Variants in SOX5 observed in about 807,000 individuals in gnomAD.
The protein encoded by SOX5 is transcription factor SOX-5.
In SOX5, 9 loss-of-function variants were observed where a neutral mutation model predicts 92.0. That is an observed-to-expected ratio of 0.10 (90% confidence interval 0.06 to 0.17). SOX5 has a LOEUF of 0.17. Ranked by LOEUF, SOX5 falls within the 10% of genes least tolerant of loss-of-function variation. The pLI is 1.00. For synonymous variants in SOX5, 344 were observed against 336.3 expected (o/e 1.02, Z -0.25); for missense variants, 642 against 944.5 (o/e 0.68, Z 4.20).
chr12:24,444,889 T>G (rs1596714650), intron 1 of SOX5, among the ~76,000 whole-genome samples: 1 of 152,196 alleles, frequency 6.6e-6, no homozygotes, highest in East Asian at 1.9e-4. Flanking sequence ...TTGCATAAGC[T>G]ATTGTTCCCT....
intron 2 of SOX5, among the ~76,000 whole-genome samples, chr12:24,331,817 C>T (rs535641900): frequency 7.8e-4 from 97 of 123,734 alleles, no homozygotes; most frequent in African/African-American, 2.9e-3. Flanking sequence ...CACTGCACTC[C>T]AACCAGCCTG....
intron 2 of SOX5, among the ~76,000 whole-genome samples, chr12:24,328,810 A>G (rs1384092122): frequency 1.3e-5 from 2 of 152,206 alleles, no homozygotes; most frequent in Non-Finnish European, 2.9e-5. Flanking sequence ...TGTTGTTTTA[A>G]TACAACTGCT....
intron 4 of SOX5, among the ~76,000 whole-genome samples, chr12:24,105,606 A>G (rs1364852512): frequency 6.6e-6 from 1 of 152,194 alleles, no homozygotes; most frequent in Non-Finnish European, 1.5e-5. Context: ...TTTCAATGAA[A>G]CCATTCCAAA....
At chr12:24,199,343 G>A (rs979586868) in intron 4 of SOX5, among the ~76,000 whole-genome samples, 1 of 152,176 alleles carries the variant, frequency 6.6e-6, no homozygotes, top group Admixed American at 6.5e-5. Flanking sequence ...GCACCAAAAT[G>A]TCGCAGTAAT....
chr12:24,344,596 A>G (rs1480160642), intron 2 of SOX5, among the ~76,000 whole-genome samples: 2 of 152,162 alleles, frequency 1.3e-5, no homozygotes, highest in Non-Finnish European at 2.9e-5. Context: ...TTTTTCAAAC[A>G]TTCAAATGAC....
In SOX5 at chr12:24,110,774, G is replaced by T. The variant is rs368809483; in HGVS notation, c.-2+102569C>A. Among the ~76,000 whole-genome samples, 67 of 151,440 alleles carry T rather than the reference G, an allele frequency of 4.4e-4. 1 individual carries two copies. The South Asian group carries it at 0.013, about 29-fold the overall frequency. On this transcript the variant is annotated intron_variant, in intron 4 of 4. Transcript: ENST00000446891. ...AAATTAGCTGGGCATAGTGGCAGGC[G>T]CCTGTAGGCCCAGCTACTCGGGAGG... is the stretch of plus-strand genomic sequence containing the variant.
At chr12:24,511,846 T>C (rs1045623126) in intron 1 of SOX5, among the ~76,000 whole-genome samples, 2 of 151,538 alleles carry the variant, frequency 1.3e-5, no homozygotes, top group Non-Finnish European at 2.9e-5. Flanking sequence ...TAGTCCCAGC[T>C]ACTCGGGAGG....
chr12:23,981,877 A>AC (rs1483545121), intron 4 of SOX5, among the ~76,000 whole-genome samples: 4 of 152,200 alleles, frequency 2.6e-5, no homozygotes, highest in African/African-American at 7.2e-5. Flanking sequence ...CACCAGAAAA[A>AC]TTAACTAGAG....
intron 3 of SOX5, among the ~76,000 whole-genome samples, chr12:23,816,586 G>A (rs1186794502): frequency 2.0e-5 from 3 of 152,130 alleles, no homozygotes; most frequent in Non-Finnish European, 4.4e-5. Context: ...AAATAGTAAG[G>A]ATGAATGGCC....
At chr12:24,544,625 TG>T in intron 1 of SOX5, among the ~76,000 whole-genome samples, 1 of 152,298 alleles carries the variant, frequency 6.6e-6, no homozygotes, top group Middle Eastern at 3.4e-3. Flanking sequence ...TACACTCACA[TG>T]CATACACACA....
chr12:23,869,949 C>T (rs188219637), intron 2 of SOX5, among the ~76,000 whole-genome samples: 22 of 152,196 alleles, frequency 1.4e-4, no homozygotes, highest in East Asian at 1.2e-3. Context: ...TAAAAATGTG[C>T]TTTTCTCATG....
chr12:23,748,600 T>C (rs1272413922), intron 4 of SOX5, among the ~76,000 whole-genome samples: 1 of 151,938 alleles, frequency 6.6e-6, no homozygotes, highest in East Asian at 1.9e-4. Flanking sequence ...TCCTAGAAGT[T>C]TAGAGCTAAA....
intron 1 of SOX5, among the ~76,000 whole-genome samples, chr12:24,421,790 G>A (rs1266740653): frequency 6.6e-6 from 1 of 152,192 alleles, no homozygotes; most frequent in Non-Finnish European, 1.5e-5. Flanking sequence ...TATTAAAAGT[G>A]TGCTCATTTT....
chr12:23,880,789 C>T (rs532815324), intron 2 of SOX5, among the ~76,000 whole-genome samples: 131 of 152,150 alleles, frequency 8.6e-4, no homozygotes, highest in African/African-American at 3.0e-3. Flanking sequence ...GCAAATCTTA[C>T]GGAAAGCAAA....
intron 1 of SOX5, among the ~76,000 whole-genome samples, chr12:23,911,736 G>A (rs1354822210): frequency 6.6e-6 from 1 of 152,050 alleles, no homozygotes; most frequent in African/African-American, 2.4e-5. Flanking sequence ...ATTATGCATT[G>A]ATATGTAACA....
intron 6 of SOX5, among the ~76,000 whole-genome samples, chr12:23,667,055 G>C (rs927501006): frequency 1.3e-5 from 2 of 151,998 alleles, no homozygotes; most frequent in South Asian, 2.1e-4. Context: ...AGTGTGGGGG[G>C]CAGCGAGGAC....
rs35813329 is a variant in SOX5, at chr12:24,385,926, C to CAAAA, written c.-250-17291_-250-17288dup. 4.1e-3 allele frequency among the ~76,000 whole-genome samples: 298 copies of CAAAA among 73,062 alleles called. 4 individuals are homozygous for CAAAA. The highest frequency in any genetic ancestry group is 0.015 in the African/African-American group (252 of 16,462). The allele number at this position is 73,062 out of a possible 152,430, so 47.9% of individuals were successfully genotyped here. ...TGGGCAACAGAGCAAGACCTTGTCA[C>CAAAA]AAAAAAAAAAAAAAAAAAAGAGAGA... On this transcript the variant is annotated intron_variant, in intron 1 of 4. Coordinates refer to the SOX5 transcript ENST00000446891.
intron 2 of SOX5, among the ~76,000 whole-genome samples, chr12:23,860,123 C>G (rs2096738270): frequency 6.6e-6 from 1 of 151,864 alleles, no homozygotes; most frequent in Non-Finnish European, 1.5e-5. Flanking sequence ...GAGAAAGAAA[C>G]AACAGACACT....
At chr12:24,039,512 T>A (rs1208900860) in intron 4 of SOX5, among the ~76,000 whole-genome samples, 1 of 152,030 alleles carries the variant, frequency 6.6e-6, no homozygotes, top group East Asian at 1.9e-4. Context: ...AAAATAAAAA[T>A]AAAACATTCT....
Sources: allele counts gnomAD v4.1 joint callset (sites outside exome capture counted in the v4.1 genomes callset), GRCh38; gene constraint gnomAD v4.1.1; transcripts MANE v1.5; gene names NCBI Gene and HGNC (gene_info 2026-07-23, HGNC 2026-07-21).